AKAP19: variants seen among roughly 807,000 people sequenced by gnomAD.
The protein encoded by AKAP19 is A-kinase anchoring protein 19.
At chr2:190,140,139 G>C in the AKAP19 span, among the ~76,000 whole-genome samples, 1 of 152,134 alleles carries the variant, frequency 6.6e-6, no homozygotes, top group Non-Finnish European at 1.5e-5. Context: ...CTCACATCCA[G>C]GTCACACTGA....
chr2:190,084,095 T>TG, the AKAP19 span, among the ~76,000 whole-genome samples: 2 of 150,152 alleles, frequency 1.3e-5, no homozygotes, highest in African/African-American at 4.9e-5. Flanking sequence ...CTCAGGTTTT[T>TG]TTTTTTTTTT....
At chr2:189,901,838 C>G in the AKAP19 span, among the ~76,000 whole-genome samples, 1 of 152,052 alleles carries the variant, frequency 6.6e-6, no homozygotes. Context: ...TAGCTATATT[C>G]CCTTGACTAA....
chr2:190,010,063 C>A, the AKAP19 span, among the ~76,000 whole-genome samples: 2 of 152,140 alleles, frequency 1.3e-5, no homozygotes, highest in East Asian at 3.9e-4. Flanking sequence ...GAAATAAACA[C>A]CATGCTCATG....
At chr2:189,892,521 G>A in the AKAP19 span, among the ~76,000 whole-genome samples, 4 of 152,256 alleles carry the variant, frequency 2.6e-5, no homozygotes, top group African/African-American at 9.6e-5. Flanking sequence ...TTTGCTGGTG[G>A]TCCATTCCAG....
the AKAP19 span, among the ~76,000 whole-genome samples, chr2:189,980,439 A>G: frequency 5.0e-4 from 76 of 152,246 alleles, no homozygotes; most frequent in African/African-American, 1.6e-3. Flanking sequence ...CCAAGGTTCA[A>G]TTCTCATGCC....
At chr2:189,890,526 G>T in the AKAP19 span, among the ~76,000 whole-genome samples, 1 of 152,104 alleles carries the variant, frequency 6.6e-6, no homozygotes, top group Non-Finnish European at 1.5e-5. Context: ...GGGTGTTAAA[G>T]TCTCCCACTA....
At chr2:190,115,183 CAGAG>C in the AKAP19 span, among the ~76,000 whole-genome samples, 3 of 108,576 alleles carry the variant, frequency 2.8e-5, no homozygotes, top group Admixed American at 1.0e-4. Context: ...GGGAGAGAGA[CAGAG>C]AGAGAGAGAC....
chr2:189,894,537 C>T, the AKAP19 span, among the ~76,000 whole-genome samples: 4 of 152,012 alleles, frequency 2.6e-5, no homozygotes, highest in African/African-American at 9.7e-5. Flanking sequence ...CAATTTTAGA[C>T]TTTTTTCTTC....
chr2:189,907,400 G>A, the AKAP19 span, among the ~76,000 whole-genome samples: 1 of 152,080 alleles, frequency 6.6e-6, no homozygotes, highest in Non-Finnish European at 1.5e-5. Flanking sequence ...GATACCTGCA[G>A]TATTTGTTGA....
the AKAP19 span, among the ~76,000 whole-genome samples, chr2:189,961,631 G>A: frequency 2.6e-5 from 4 of 151,812 alleles, no homozygotes; most frequent in South Asian, 2.1e-4. Context: ...TATCAGACTC[G>A]GCTGGGCATG....
chr2:190,085,874 C>T, the AKAP19 span, among the ~76,000 whole-genome samples: 2 of 152,100 alleles, frequency 1.3e-5, no homozygotes, highest in African/African-American at 4.8e-5. Flanking sequence ...AAATTATGAG[C>T]ACGAAGGCCA....
chr2:190,199,979 C>T, the AKAP19 span: 3 of 1,614,126 alleles, frequency 1.9e-6, no homozygotes, highest in South Asian at 3.3e-5. Context: ...AGGATGGCTT[C>T]TCCAGTTAAT....
At chr2:189,947,455 C>A in the AKAP19 span, among the ~76,000 whole-genome samples, 3 of 152,012 alleles carry the variant, frequency 2.0e-5, no homozygotes, top group Non-Finnish European at 2.9e-5. Context: ...TTTATTCTAG[C>A]ACTAGTAACT....
chr2:190,047,536 C>T, the AKAP19 span, among the ~76,000 whole-genome samples: 1 of 152,200 alleles, frequency 6.6e-6, no homozygotes, highest in African/African-American at 2.4e-5. Flanking sequence ...TACTTTTCTG[C>T]TCTCATTAGA....
chr2:190,046,410 C>A, the AKAP19 span, among the ~76,000 whole-genome samples: 1 of 152,164 alleles, frequency 6.6e-6, no homozygotes, highest in Non-Finnish European at 1.5e-5. Context: ...AACATTCAGA[C>A]CTTTATCACT....
chr2:189,997,576 C>T, the AKAP19 span, among the ~76,000 whole-genome samples: 2 of 152,146 alleles, frequency 1.3e-5, no homozygotes, highest in South Asian at 4.2e-4. Flanking sequence ...AGGCCTCACC[C>T]AGCTCCCATG....
the AKAP19 span, among the ~76,000 whole-genome samples, chr2:190,108,726 G>A: frequency 6.7e-6 from 1 of 149,708 alleles, no homozygotes; most frequent in Non-Finnish European, 1.5e-5. Flanking sequence ...AGATTAAGAA[G>A]TTAGAATGGA....
the AKAP19 span, among the ~76,000 whole-genome samples, chr2:190,115,890 C>T: frequency 6.6e-6 from 1 of 152,170 alleles, no homozygotes; most frequent in East Asian, 1.9e-4. Context: ...CCAGTTGATA[C>T]TCTTGCTTTC....
the AKAP19 span, among the ~76,000 whole-genome samples, chr2:190,133,660 T>TA: frequency 2.0e-5 from 3 of 152,154 alleles, no homozygotes; most frequent in Non-Finnish European, 4.4e-5. Flanking sequence ...TATTCAGCCT[T>TA]AAAAAAGGGA....
Sources: gnomAD v4.1 joint callset for allele counts (sites outside exome capture counted in the v4.1 genomes callset) on GRCh38, gnomAD v4.1.1 for gene constraint, MANE v1.5 for transcripts, NCBI Gene and HGNC (gene_info 2026-07-23, HGNC 2026-07-21) for gene names.